Variants in ZNF407 observed in about 807,000 individuals in gnomAD.
The protein encoded by ZNF407 is zinc finger protein 407.
Under a neutral mutation model 131.2 loss-of-function variants are expected in ZNF407, and 17 were observed. That is an observed-to-expected ratio of 0.13 (90% CI 0.09 to 0.19). The LOEUF (loss-of-function observed/expected upper bound fraction) is 0.19, where lower values mean the gene tolerates loss of function less well. ZNF407 is among the 10% of genes least tolerant of loss of function. The probability of loss-of-function intolerance (pLI) is 1.00; values close to 1 mark genes in which losing one functional copy is unlikely to be tolerated. For missense variants in ZNF407, 2,681 were observed against 2,830.6 expected (o/e 0.95, Z 1.20); for synonymous variants, 1,156 against 1,062.0 (o/e 1.09, Z -1.72).
intron 8 of ZNF407, among the ~76,000 whole-genome samples, chr18:75,001,569 G>A (rs969327166): frequency 1.3e-5 from 2 of 152,140 alleles, no homozygotes; most frequent in Non-Finnish European, 2.9e-5. Flanking sequence ...TAGAACCATA[G>A]GAATAGAGCA....
intron 8 of ZNF407, among the ~76,000 whole-genome samples, chr18:74,965,267 T>A (rs892837449): frequency 6.6e-4 from 100 of 152,192 alleles, no homozygotes; most frequent in African/African-American, 2.2e-3. Context: ...CCAATTTTTT[T>A]ATACACATTA....
chr18:74,899,051 A>T (rs1971489252), intron 7 of ZNF407, among the ~76,000 whole-genome samples: 1 of 152,186 alleles, frequency 6.6e-6, no homozygotes, highest in South Asian at 2.1e-4. Flanking sequence ...TGTAGGTCAC[A>T]TGAGATTCTG....
intron 2 of ZNF407, among the ~76,000 whole-genome samples, chr18:74,636,240 G>A (rs1984457519): frequency 1.3e-5 from 2 of 152,250 alleles, no homozygotes; most frequent in African/African-American, 4.8e-5. Flanking sequence ...CATGTGCTGG[G>A]GATCTGGTGT....
rs147199276 is a variant in ZNF407, at chr18:74,754,857, T to C, written c.4803-26571T>C. ...CGGGGTGGAGAGTTCTGTAGATGTC[T>C]ATTAGATCCGCTTGGTGCAGAGCTG... On this transcript the variant is annotated intron_variant, in intron 3 of 8. Coordinates refer to ENST00000299687, the MANE Select transcript of ZNF407 (RefSeq NM_017757.3). 2.3e-3 allele frequency among the ~76,000 whole-genome samples: 351 copies of C among 152,344 alleles called. 2 individuals carry two copies. Among genetic ancestry groups the C allele is most frequent in the African/African-American group, 8.1e-3 (335 of 41,580 alleles).
chr18:74,839,118 C>T (rs1326806344), intron 4 of ZNF407, among the ~76,000 whole-genome samples: 1 of 152,140 alleles, frequency 6.6e-6, no homozygotes, highest in African/African-American at 2.4e-5. Context: ...TTTCATGTAT[C>T]ATGCTGATAA....
At chr18:74,960,266 G>T (rs1251753554) in intron 8 of ZNF407, among the ~76,000 whole-genome samples, 1 of 151,140 alleles carries the variant, frequency 6.6e-6, no homozygotes, top group Admixed American at 6.6e-5. Flanking sequence ...TGAGTGCTTG[G>T]TGGAGGGATA....
intron 3 of ZNF407, among the ~76,000 whole-genome samples, chr18:74,717,988 G>A (rs1967936309): frequency 1.3e-5 from 2 of 152,064 alleles, no homozygotes; most frequent in South Asian, 4.1e-4. Flanking sequence ...TTTTAGACTG[G>A]TGGATAAAGC....
At chr18:74,693,586 A>G (rs1008393880) in intron 3 of ZNF407, among the ~76,000 whole-genome samples, 10 of 152,038 alleles carry the variant, frequency 6.6e-5, no homozygotes, top group Admixed American at 5.9e-4. Flanking sequence ...TCTGTTCTCT[A>G]TTACTTTATG....
At chr18:74,835,133 A>G (rs1184415537) in intron 4 of ZNF407, among the ~76,000 whole-genome samples, 1 of 152,098 alleles carries the variant, frequency 6.6e-6, no homozygotes, top group Non-Finnish European at 1.5e-5. Flanking sequence ...TTTCCAGCTC[A>G]TAGTCTTTTT....
chr18:74,647,981 T>C (rs9963701), intron 3 of ZNF407, among the ~76,000 whole-genome samples: 11,376 of 152,058 alleles, frequency 0.075, 454 homozygotes, highest in East Asian at 0.12. Flanking sequence ...TGAGGGGAAG[T>C]ACAGAGATTT....
intron 8 of ZNF407, among the ~76,000 whole-genome samples, chr18:74,981,635 G>A (rs1972594452): frequency 6.6e-6 from 1 of 152,030 alleles, no homozygotes; most frequent in Non-Finnish European, 1.5e-5. Context: ...TTCCTACGGA[G>A]GGCACTGTCG....
At chr18:74,822,636 G>T (rs1970356576) in intron 4 of ZNF407, among the ~76,000 whole-genome samples, 1 of 152,082 alleles carries the variant, frequency 6.6e-6, no homozygotes, top group Non-Finnish European at 1.5e-5. Context: ...CTCTGTTTTG[G>T]TACCAGTACC....
At position 74,943,788 on chromosome 18, in the gene ZNF407, G is replaced by A. The variant is rs193071607; in HGVS notation, c.5428+23096G>A. Reference sequence around the variant, plus strand: ...GTACAGTATGTACCTCATGGACCGCGAGCCCAATAATTGGGACCCTGAGGA... The same window carrying A: ...GTACAGTATGTACCTCATGGACCGCAAGCCCAATAATTGGGACCCTGAGGA... On this transcript the variant is annotated intron_variant, in intron 8 of 8. Transcript: ENST00000299687. Among the ~76,000 whole-genome samples, 62 of 152,188 alleles carry A rather than the reference G, an allele frequency of 4.1e-4. 1 individual carries two copies. In the East Asian group the frequency reaches 0.01, roughly 26 times the overall value.
intron 8 of ZNF407, among the ~76,000 whole-genome samples, chr18:74,934,580 G>T (rs539100937): frequency 2.2e-4 from 34 of 152,336 alleles, no homozygotes; most frequent in African/African-American, 8.2e-4. Flanking sequence ...AGGCCAAGGC[G>T]GGTGGATCAC....
chr18:74,861,660 C>T (rs1201010101), intron 4 of ZNF407, among the ~76,000 whole-genome samples: 2 of 152,122 alleles, frequency 1.3e-5, no homozygotes, highest in African/African-American at 4.8e-5. Flanking sequence ...ATATCGATAA[C>T]GATTGAATAA....
intron 4 of ZNF407, among the ~76,000 whole-genome samples, chr18:74,788,237 T>C (rs188762840): frequency 3.3e-5 from 5 of 152,352 alleles, no homozygotes; most frequent in Admixed American, 2.6e-4. Context: ...GCTCATGTAA[T>C]TCAAGGGCAG....
chr18:75,056,143 A>G (rs1973559400), intron 8 of ZNF407, among the ~76,000 whole-genome samples: 1 of 152,216 alleles, frequency 6.6e-6, no homozygotes, highest in Non-Finnish European at 1.5e-5. Flanking sequence ...ACTTGTCCTT[A>G]GGCCAGCTCC....
At chr18:74,819,082 C>T (rs1277362088) in intron 4 of ZNF407, among the ~76,000 whole-genome samples, 1 of 152,140 alleles carries the variant, frequency 6.6e-6, no homozygotes, top group African/African-American at 2.4e-5. Context: ...CATCTGAAGT[C>T]CCCCAGCCGC....
At chr18:74,981,189 G>A (rs1972588515) in intron 8 of ZNF407, among the ~76,000 whole-genome samples, 1 of 152,224 alleles carries the variant, frequency 6.6e-6, no homozygotes, top group Non-Finnish European at 1.5e-5. Context: ...CAACGCCCAA[G>A]GGCACAGAAC....
Sources: allele counts gnomAD v4.1 joint callset (sites outside exome capture counted in the v4.1 genomes callset), GRCh38; gene constraint gnomAD v4.1.1; transcripts MANE v1.5; gene names NCBI Gene and HGNC (gene_info 2026-07-23, HGNC 2026-07-21).